Variants in REDIC1 observed in about 807,000 individuals in gnomAD.
REDIC1 encodes regulator of DNA class I crossover intermediates 1.
At chr12:39,628,004 T>A in the REDIC1 span, among the ~76,000 whole-genome samples, 4 of 152,166 alleles carry the variant, frequency 2.6e-5, no homozygotes, top group Admixed American at 2.6e-4. Context: ...GTCATTTTAG[T>A]AGTTATTTGG....
the REDIC1 span, among the ~76,000 whole-genome samples, chr12:39,678,312 T>A: frequency 2.6e-5 from 4 of 152,098 alleles, no homozygotes; most frequent in Non-Finnish European, 5.9e-5. Flanking sequence ...TGAACACCTT[T>A]ACACATACAA....
the REDIC1 span, among the ~76,000 whole-genome samples, chr12:39,716,333 G>A: frequency 4.9e-4 from 75 of 151,916 alleles, no homozygotes; most frequent in Non-Finnish European, 7.1e-4. Context: ...GGTTTTATTC[G>A]CATCTTTTGA....
chr12:39,704,823 C>T, the REDIC1 span, among the ~76,000 whole-genome samples: 2 of 151,818 alleles, frequency 1.3e-5, no homozygotes, highest in African/African-American at 2.4e-5. Flanking sequence ...ATCCCAAGAA[C>T]AAAAAACCAA....
the REDIC1 span, among the ~76,000 whole-genome samples, chr12:39,714,940 G>A: frequency 6.6e-6 from 1 of 151,810 alleles, no homozygotes; most frequent in African/African-American, 2.4e-5. Flanking sequence ...AATTATTTGA[G>A]TTCCTTGTAA....
At chr12:39,711,948 T>C in the REDIC1 span, among the ~76,000 whole-genome samples, 2 of 129,360 alleles carry the variant, frequency 1.5e-5, no homozygotes, top group Non-Finnish European at 3.4e-5. Context: ...TAGACATGTA[T>C]ACATACATAT....
chr12:39,786,118 C>A, the REDIC1 span, among the ~76,000 whole-genome samples: 1 of 151,692 alleles, frequency 6.6e-6, no homozygotes, highest in Non-Finnish European at 1.5e-5. Context: ...TTTGGAGGGG[C>A]CAGGGGCGGA....
At chr12:39,674,389 A>G in the REDIC1 span, among the ~76,000 whole-genome samples, 1 of 152,186 alleles carries the variant, frequency 6.6e-6, no homozygotes, top group Non-Finnish European at 1.5e-5. Flanking sequence ...ATGGCAGGTA[A>G]GAGACAGGAC....
At chr12:39,776,477 T>G in the REDIC1 span, among the ~76,000 whole-genome samples, 34 of 152,208 alleles carry the variant, frequency 2.2e-4, no homozygotes, top group Non-Finnish European at 4.4e-4. Flanking sequence ...CAGAGAATGA[T>G]GTGGCATATG....
chr12:39,888,842 ATAC>A, the REDIC1 span, among the ~76,000 whole-genome samples: 1 of 152,234 alleles, frequency 6.6e-6, no homozygotes, highest in East Asian at 1.9e-4. Context: ...ATTGTGACAC[ATAC>A]TACTATGATT....
At chr12:39,736,727 T>C in the REDIC1 span, 1 of 152,230 alleles carries the variant, frequency 6.6e-6, no homozygotes, top group Non-Finnish European at 1.5e-5. Flanking sequence ...GCCGTGGGTA[T>C]CCTGAGCTGC....
chr12:39,838,608 G>C, the REDIC1 span, among the ~76,000 whole-genome samples: 2 of 151,788 alleles, frequency 1.3e-5, no homozygotes, highest in South Asian at 4.2e-4. Flanking sequence ...ACCTAAAAAT[G>C]CTTCCAATTA....
the REDIC1 span, among the ~76,000 whole-genome samples, chr12:39,761,389 A>G: frequency 6.6e-6 from 1 of 152,054 alleles, no homozygotes; most frequent in Non-Finnish European, 1.5e-5. Context: ...AATGGGGAAA[A>G]TAATTCTAGC....
chr12:39,776,588 A>G, the REDIC1 span, among the ~76,000 whole-genome samples: 1 of 152,236 alleles, frequency 6.6e-6, no homozygotes, highest in Non-Finnish European at 1.5e-5. Flanking sequence ...GCCATACTGC[A>G]ATAGAAGCCA....
At chr12:39,766,735 T>C in the REDIC1 span, among the ~76,000 whole-genome samples, 1 of 152,128 alleles carries the variant, frequency 6.6e-6, no homozygotes, top group Admixed American at 6.6e-5. Flanking sequence ...ACAATGTTCA[T>C]AGCACTTTCA....
the REDIC1 span, among the ~76,000 whole-genome samples, chr12:39,698,051 AG>A: frequency 3.3e-5 from 5 of 152,198 alleles, no homozygotes; most frequent in Non-Finnish European, 7.4e-5. Context: ...CAGAAAATAA[AG>A]GGATGGAAAA....
chr12:39,869,199 GA>G, the REDIC1 span, among the ~76,000 whole-genome samples: 1 of 152,264 alleles, frequency 6.6e-6, no homozygotes, highest in African/African-American at 2.4e-5. Context: ...GAATGTGAAA[GA>G]AAAATCAATT....
the REDIC1 span, among the ~76,000 whole-genome samples, chr12:39,779,122 G>T: frequency 2.6e-5 from 4 of 152,190 alleles, no homozygotes; most frequent in African/African-American, 9.7e-5. Flanking sequence ...GTGGCTACTA[G>T]CCCCTGAGCT....
At chr12:39,839,557 AT>A in the REDIC1 span, among the ~76,000 whole-genome samples, 1 of 151,880 alleles carries the variant, frequency 6.6e-6, no homozygotes, top group Non-Finnish European at 1.5e-5. Flanking sequence ...TGGTGATAAG[AT>A]TTTCTAAAAA....
the REDIC1 span, among the ~76,000 whole-genome samples, chr12:39,843,229 A>G: frequency 2.0e-5 from 3 of 152,010 alleles, no homozygotes; most frequent in African/African-American, 7.2e-5. Context: ...ACTTTTTCGT[A>G]CTTGATCTTT....
Sources: gnomAD v4.1 joint callset for allele counts (sites outside exome capture counted in the v4.1 genomes callset) on GRCh38, gnomAD v4.1.1 for gene constraint, MANE v1.5 for transcripts, NCBI Gene and HGNC (gene_info 2026-07-23, HGNC 2026-07-21) for gene names.